Variants in C20orf203 observed in about 807,000 individuals in gnomAD.
C20orf203 encodes the protein uncharacterized protein C20orf203.
A neutral mutation model predicts 15.9 loss-of-function variants in C20orf203; 16 were observed. That is an observed-to-expected ratio of 1.01 (90% confidence interval 0.68 to 1.53). The LOEUF (loss-of-function observed/expected upper bound fraction) is 1.53, where lower values mean the gene tolerates loss of function less well. Ranked by LOEUF, C20orf203 falls within the 40% of genes most tolerant of loss-of-function variation. C20orf203 has a pLI of 0.00. For synonymous variants in C20orf203, 98 were observed against 97.2 expected (o/e 1.01, Z -0.05); for missense variants, 263 against 247.5 (o/e 1.06, Z -0.42).
intron 4 of C20orf203, among the ~76,000 whole-genome samples, chr20:32,644,924 A>G (rs908304315): frequency 1.5e-5 from 2 of 136,454 alleles, no homozygotes; most frequent in Non-Finnish European, 3.2e-5. Context: ...GTAAATTAAC[A>G]TGTCCAGGGA....
intron 5 of C20orf203, among the ~76,000 whole-genome samples, chr20:32,640,112 A>G (rs1179251540): frequency 6.6e-6 from 1 of 152,234 alleles, no homozygotes; most frequent in Non-Finnish European, 1.5e-5. Context: ...TATTGACATC[A>G]AAGATGTTTA....
In C20orf203 at chr20:32,650,791, G is replaced by A. The variant is rs987629092; in HGVS notation, c.226C>T (p.Pro76Ser). The A allele has an allele frequency of 2.0e-6, 3 of 1,503,572 alleles. No homozygotes were observed. In the African/African-American group the frequency reaches 4.2e-5, roughly 21 times the overall value. 93.1% of individuals were successfully genotyped at this position (1,503,572 alleles called of 1,614,324 possible). The stretch of plus-strand genomic sequence containing the variant: ...GGCTGGCGCTGGTGGCTGGGCTGGG[G>A]GTGGACTCGCTGAGCCTTTGAGGTC... ...RRTSKAQRVHPQPSHQRQPPP... is the reference protein window; with the variant it reads ...RRTSKAQRVHSQPSHQRQPPP... The change falls in exon 4 of 6, where the codon CCC becomes TCC. Residue 76 changes from proline to serine, a missense_variant. Transcript: ENST00000608990.
At chr20:32,669,760 A>C (rs1391022053) in intron 1 of C20orf203, among the ~76,000 whole-genome samples, 2 of 152,346 alleles carry the variant, frequency 1.3e-5, no homozygotes, top group Non-Finnish European at 2.9e-5. Flanking sequence ...AATTTCTTGA[A>C]TATGGCACCA....
intron 1 of C20orf203, among the ~76,000 whole-genome samples, chr20:32,652,838 AGGCTGCT>A (rs1982668623): frequency 6.6e-6 from 1 of 152,212 alleles, no homozygotes; most frequent in Non-Finnish European, 1.5e-5. Context: ...GAGAGATGCA[AGGCTGCT>A]GGCCCCGATG....
At chr20:32,648,607 A>ATGTTTTG (rs58582539) in intron 4 of C20orf203, among the ~76,000 whole-genome samples, 2 of 125,900 alleles carry the variant, frequency 1.6e-5, no homozygotes, top group Non-Finnish European at 3.4e-5. Context: ...AATCTGGCTA[A>ATGTTTTG]TTTTTTTTTT....
chr20:32,644,693 T>A (rs1982374974), intron 4 of C20orf203, among the ~76,000 whole-genome samples: 1 of 152,082 alleles, frequency 6.6e-6, no homozygotes, highest in African/African-American at 2.4e-5. Context: ...AGCAACCAGA[T>A]TACATCTCCC....
At chr20:32,671,840 CA>C (rs869043468) in intron 1 of C20orf203, among the ~76,000 whole-genome samples, 16,603 of 66,554 alleles carry the variant, frequency 0.25, 550 homozygotes, top group African/African-American at 0.3. Context: ...ACTCTGTCTC[CA>C]AAAAAAAAAA....
At chr20:32,666,823 A>ATATG (rs1568756061) in intron 1 of C20orf203, among the ~76,000 whole-genome samples, 1 of 106,818 alleles carries the variant, frequency 9.4e-6, no homozygotes, top group Non-Finnish European at 2.0e-5. Flanking sequence ...ATATATATAT[A>ATATG]TAGTTTTGTT....
Position 32,650,517 on chromosome 20 carries a change from A to T in C20orf203, c.500T>A (p.Leu167His). The change falls in exon 4 of 6, where the codon CTC becomes CAC. Residue 167 changes from leucine (L) to histidine (H), a missense_variant. Physicochemically the swap from Leu to His is moderately conservative, Grantham distance 99. Transcript: ENST00000608990. ...AGGCAACTTGCCTGGCAAGGATGGG[A>T]GGCAGAAGTCCTGGAAACATGTTGA... ...WTSTCFQDFC[L>H]PSLPGKLPAP... is the part of the protein sequence containing the mutation. 6.4e-7 allele frequency: 1 copy of T among 1,550,466 alleles called. No individual in the cohort carries two copies. The highest frequency in any genetic ancestry group is 8.7e-7 in the Non-Finnish European group (1 of 1,146,900).
chr20:32,663,472 G>A (rs920163328), intron 1 of C20orf203, among the ~76,000 whole-genome samples: 35 of 152,096 alleles, frequency 2.3e-4, no homozygotes, highest in African/African-American at 8.2e-4. Flanking sequence ...CAATTAAAAT[G>A]CACACATATA....
chr20:32,652,935 C>T (rs1183785925), intron 1 of C20orf203, among the ~76,000 whole-genome samples: 2 of 152,150 alleles, frequency 1.3e-5, no homozygotes, highest in African/African-American at 2.4e-5. Flanking sequence ...ATGGTGCCTC[C>T]GTCACTCCCT....
chr20:32,655,275 G>A (rs757085717), intron 1 of C20orf203, among the ~76,000 whole-genome samples: 2 of 152,076 alleles, frequency 1.3e-5, no homozygotes, highest in Non-Finnish European at 2.9e-5. Flanking sequence ...GGCTTCATCA[G>A]AATTTAAAAT....
At chr20:32,671,956 TA>T (rs1375421098) in intron 1 of C20orf203, among the ~76,000 whole-genome samples, 1 of 150,444 alleles carries the variant, frequency 6.6e-6, no homozygotes, top group African/African-American at 2.5e-5. Context: ...GTCACACAGA[TA>T]AAAATGTCCG....
chr20:32,641,991 C>T (rs984054085), intron 4 of C20orf203, among the ~76,000 whole-genome samples: 1 of 152,110 alleles, frequency 6.6e-6, no homozygotes, highest in Non-Finnish European at 1.5e-5. Flanking sequence ...GCACCAGGCA[C>T]ACACCACCAC....
intron 5 of C20orf203, among the ~76,000 whole-genome samples, chr20:32,639,716 G>C (rs1982230664): frequency 6.6e-6 from 1 of 151,576 alleles, no homozygotes; most frequent in South Asian, 2.1e-4. Flanking sequence ...CAGGGAGGGT[G>C]TATCTGTCCA....
chr20:32,644,340 C>T (rs1260536564), intron 4 of C20orf203, among the ~76,000 whole-genome samples: 2 of 152,026 alleles, frequency 1.3e-5, no homozygotes, highest in East Asian at 1.9e-4. Flanking sequence ...CCCAGCTACT[C>T]GGGAGGCTGA....
intron 1 of C20orf203, among the ~76,000 whole-genome samples, chr20:32,658,809 G>C (rs189772221): frequency 2.0e-5 from 3 of 151,986 alleles, no homozygotes; most frequent in African/African-American, 2.4e-5. Flanking sequence ...AGCGTCCTCC[G>C]GCCTTGGCGT....
At chr20:32,666,797 T>TTTTATACATATATATATATATATA (rs367964394) in intron 1 of C20orf203, among the ~76,000 whole-genome samples, 40 of 65,610 alleles carry the variant, frequency 6.1e-4, no homozygotes, top group South Asian at 2.1e-3. Flanking sequence ...TAATTTTAAT[T>TTTTATACATATATATATATATATA]TATATATATA....
chr20:32,642,313 G>T (rs1982304127), intron 4 of C20orf203, among the ~76,000 whole-genome samples: 1 of 152,224 alleles, frequency 6.6e-6, no homozygotes, highest in Admixed American at 6.5e-5. Flanking sequence ...CTCTGAGCAG[G>T]TGGAAGAGTA....
Sources: gnomAD v4.1 joint callset for allele counts (sites outside exome capture counted in the v4.1 genomes callset) on GRCh38, gnomAD v4.1.1 for gene constraint, MANE v1.5 for transcripts, NCBI Gene and HGNC (gene_info 2026-07-23, HGNC 2026-07-21) for gene names.